Variants in CD163L1 observed in about 807,000 individuals in gnomAD.
The protein encoded by CD163L1 is CD163 molecule like 1.
CD163L1 carries 124 observed loss-of-function variants against 165.4 expected under a neutral mutation model. That is an observed-to-expected ratio of 0.75 (90% CI 0.65 to 0.87). The LOEUF (loss-of-function observed/expected upper bound fraction) is 0.87. CD163L1 is among the 40% of genes least tolerant of loss of function. The probability of loss-of-function intolerance (pLI) is 0.00; values close to 1 mark genes in which losing one functional copy is unlikely to be tolerated. For synonymous variants in CD163L1, 585 were observed against 662.2 expected, an observed-to-expected ratio of 0.88 and a Z score of 1.79; for missense variants, 1,525 against 1,799.9, an observed-to-expected ratio of 0.85 and a Z score of 2.76.
At chr12:7,340,458 G>C in the CD163L1 span, among the ~76,000 whole-genome samples, 1 of 152,120 alleles carries the variant, frequency 6.6e-6, no homozygotes, top group Non-Finnish European at 1.5e-5. Context: ...TTTATAGTGA[G>C]AATATATAAT....
chr12:7,319,452 A>G, the CD163L1 span, among the ~76,000 whole-genome samples: 1 of 152,058 alleles, frequency 6.6e-6, no homozygotes, highest in East Asian at 1.9e-4. Flanking sequence ...TTAGCCAGGC[A>G]TGGTGGTGGG....
At chr12:7,415,231 AGTT>A (rs771497177) in intron 4 of CD163L1, among the ~76,000 whole-genome samples, 6 of 152,264 alleles carry the variant, frequency 3.9e-5, no homozygotes, top group Non-Finnish European at 7.4e-5. Flanking sequence ...ATGGGAGTTA[AGTT>A]GTTATCAACT....
rs1946680943 is a variant in CD163L1 at position 7,347,871 on chromosome 12, A to G, written c.*25-724T>C. Reference sequence around the variant, plus strand: ...GCCATTCCCTTGATAAAATAATAACAAATATAAAATTAAAAACTGGTTGCA... The same window carrying G: ...GCCATTCCCTTGATAAAATAATAACGAATATAAAATTAAAAACTGGTTGCA... On this transcript the variant is annotated intron_variant, in intron 4 of 4. Transcript: ENST00000539726. The surrounding 1 kb of genome is among the most constrained non-coding windows in gnomAD (Gnocchi z 4.2). Among the ~76,000 whole-genome samples the G allele has an allele frequency of 6.6e-6, 1 of 152,242 alleles. No homozygotes were observed. The highest frequency in any genetic ancestry group is 1.5e-5 in the Non-Finnish European group (1 of 68,050).
At chr12:7,338,122 A>C in the CD163L1 span, among the ~76,000 whole-genome samples, 1 of 152,106 alleles carries the variant, frequency 6.6e-6, no homozygotes, top group Non-Finnish European at 1.5e-5. Context: ...CAATGAGAAC[A>C]CATGGACACA....
intron 2 of CD163L1, 152 bp downstream of exon 2, chr12:7,441,002 T>C (rs1948824747): frequency 5.5e-6 from 3 of 548,032 alleles, no homozygotes; most frequent in Non-Finnish European, 6.5e-6. Context: ...AAAAATAATT[T>C]GGACACCTTT....
At chr12:7,361,159 T>A (rs367604375) in intron 18 of CD163L1, among the ~76,000 whole-genome samples, 8 of 152,180 alleles carry the variant, frequency 5.3e-5, no homozygotes, top group Middle Eastern at 3.4e-3. Context: ...ATATATATAT[T>A]TTCATTCATT....
chr12:7,365,729 A>G (rs1330847896), intron 18 of CD163L1, among the ~76,000 whole-genome samples: 1 of 152,170 alleles, frequency 6.6e-6, no homozygotes, highest in Non-Finnish European at 1.5e-5. Flanking sequence ...TACCTCAGGC[A>G]GAATGGCTTT....
intron 18 of CD163L1, among the ~76,000 whole-genome samples, chr12:7,365,882 C>T (rs1310912781): frequency 6.6e-6 from 1 of 152,020 alleles, no homozygotes; most frequent in Non-Finnish European, 1.5e-5. Flanking sequence ...GATAGTATTA[C>T]TATACAATTC....
rs1565784306 is a variant in CD163L1, at chr12:7,380,372, T to TACATGTATGTGTGTATACGCGTATACAC, written c.2051-1075_2051-1074insGTGTATACGCGTATACACACATACATGT. 6.4e-3 allele frequency among the ~76,000 whole-genome samples: 923 copies of TACATGTATGTGTGTATACGCGTATACAC among 145,238 alleles called. 13 individuals carry two copies. The highest frequency in any genetic ancestry group is 8.5e-3 in the Non-Finnish European group (567 of 66,800). ...ATGTATGTGTGTATACGCGTATACA[T>TACATGTATGTGTGTATACGCGTATACAC]ACATGTATGTGTGTATATGCGTATA... On this transcript the variant is annotated intron_variant, in intron 8 of 19. Transcript: ENST00000313599.
chr12:7,382,326 G>T lies in CD163L1; in HGVS notation c.2051-3028C>A, dbSNP rs982518924. The stretch of plus-strand genomic sequence containing the variant: ...AGCTCAAGGGGGAGGCTTCAAGACG[G>T]CTACTAGAGGCACCCAACACTCACC... On this transcript the variant is annotated intron_variant, in intron 8 of 19. Coordinates refer to ENST00000313599, the MANE Select transcript of CD163L1 (RefSeq NM_174941.6). Among the ~76,000 whole-genome samples the T allele has an allele frequency of 2.6e-5, 4 of 151,890 alleles. No individual in the cohort carries two copies. The South Asian group carries it at 8.3e-4, about 32-fold the overall frequency.
intron 14 of CD163L1, among the ~76,000 whole-genome samples, chr12:7,371,970 T>C (rs1166265719): frequency 2.6e-5 from 4 of 152,074 alleles, no homozygotes; most frequent in African/African-American, 7.2e-5. Context: ...AGGTGATATC[T>C]GTGTTTTTTT....
At chr12:7,331,481 C>A in the CD163L1 span, among the ~76,000 whole-genome samples, 2 of 152,242 alleles carry the variant, frequency 1.3e-5, no homozygotes. Context: ...AGGCAGACTG[C>A]CTCCTCAAGT....
In CD163L1 at chr12:7,441,204, A is replaced by C. The variant is rs370419655; in HGVS notation, c.74T>G (p.Val25Gly). Residue 25 changes from valine (V) to glycine (G), a missense_variant, in exon 2 of 20, where the codon GTG becomes GGG. Physicochemically the swap from Val to Gly is moderately radical, Grantham distance 109. Transcript: ENST00000313599. ...CCCHQNLFSA[V>G]VTCILLLNSC... The stretch of plus-strand genomic sequence containing the variant: ...ATTCAGGAGCAGGATGCAAGTTACC[A>C]CAGCAGAGAAAAGGTTCTGATGACA... 1 of 1,614,048 alleles carries C rather than the reference A, an allele frequency of 6.2e-7. No individual in the cohort carries two copies. Among genetic ancestry groups the C allele is most frequent in the Non-Finnish European group, 8.5e-7 (1 of 1,180,016 alleles).
At chr12:7,427,213 T>C (rs1948559441) in intron 4 of CD163L1, among the ~76,000 whole-genome samples, 1 of 152,114 alleles carries the variant, frequency 6.6e-6, no homozygotes, top group African/African-American at 2.4e-5. Context: ...AACAGACATA[T>C]ATGTAACATT....
At chr12:7,423,445 A>G (rs1565812332) in intron 4 of CD163L1, among the ~76,000 whole-genome samples, 2 of 152,144 alleles carry the variant, frequency 1.3e-5, no homozygotes, top group Non-Finnish European at 2.9e-5. Flanking sequence ...ATACAAATTT[A>G]GAAGCTAGCA....
downstream of CD163L1, among the ~76,000 whole-genome samples, chr12:7,342,603 G>T (rs1003969867): frequency 1.3e-5 from 2 of 152,126 alleles, no homozygotes; most frequent in African/African-American, 4.8e-5. Flanking sequence ...CAACCGAGCT[G>T]GTCTCAGCAA....
At chr12:7,351,639 A>T (rs184690149), downstream of CD163L1, among the ~76,000 whole-genome samples, 381 of 152,258 alleles carry the variant, frequency 2.5e-3, 5 homozygotes, top group Admixed American at 0.023. Context: ...GACAAATTTA[A>T]TATATATCAG....
At chr12:7,327,516 A>T in the CD163L1 span, among the ~76,000 whole-genome samples, 5 of 152,198 alleles carry the variant, frequency 3.3e-5, no homozygotes, top group Admixed American at 2.0e-4. Context: ...GAAGAAGATG[A>T]TATCCAAAGA....
chr12:7,413,869 C>G (rs1948185100), intron 4 of CD163L1, among the ~76,000 whole-genome samples: 1 of 152,144 alleles, frequency 6.6e-6, no homozygotes, highest in Non-Finnish European at 1.5e-5. Flanking sequence ...ACACAGTCCC[C>G]AGATTTCCAC....
Sources: allele counts gnomAD v4.1 joint callset (sites outside exome capture counted in the v4.1 genomes callset), GRCh38; gene constraint gnomAD v4.1.1; non-coding constraint Gnocchi (gnomAD v3.1); transcripts MANE v1.5; gene names NCBI Gene and HGNC (gene_info 2026-07-23, HGNC 2026-07-21).